Variants in SMAD3 observed in about 807,000 individuals in gnomAD.
SMAD3 encodes the protein MAD homolog 3.
Under a neutral mutation model 51.8 loss-of-function variants are expected in SMAD3, and 12 were observed. That is an observed-to-expected ratio of 0.23 (90% CI 0.15 to 0.38). The LOEUF is 0.38. SMAD3 is among the 10% of genes least tolerant of loss of function. SMAD3 has a pLI of 1.00. For missense variants in SMAD3, 294 were observed against 565.6 expected, an observed-to-expected ratio of 0.52 and a Z score of 4.87; for synonymous variants, 238 against 227.7, an observed-to-expected ratio of 1.05 and a Z score of -0.41.
chr15:67,163,162 C>T (rs1166447655), intron 1 of SMAD3, among the ~76,000 whole-genome samples: 1 of 152,020 alleles, frequency 6.6e-6, no homozygotes, highest in Non-Finnish European at 1.5e-5. Context: ...TTAGTAGAGA[C>T]AGGGTTTCAC....
chr15:67,120,124 C>T (rs780439013), intron 1 of SMAD3, among the ~76,000 whole-genome samples: 25 of 152,174 alleles, frequency 1.6e-4, no homozygotes, highest in Non-Finnish European at 1.0e-4. Flanking sequence ...AAGCCTCTTG[C>T]AACTCACTAG....
At chr15:67,112,146 T>C (rs1377052683) in intron 1 of SMAD3, among the ~76,000 whole-genome samples, 1 of 63,960 alleles carries the variant, frequency 1.6e-5, no homozygotes, top group Non-Finnish European at 3.1e-5. Context: ...TTTCTTTTTT[T>C]TTCTTTCCTT....
At chr15:67,136,661 T>C (rs1341701746) in intron 1 of SMAD3, among the ~76,000 whole-genome samples, 1 of 152,248 alleles carries the variant, frequency 6.6e-6, no homozygotes, top group Non-Finnish European at 1.5e-5. Flanking sequence ...GCAGGTGTTT[T>C]GGCTTTTGTC....
At chr15:67,154,072 G>A (rs1758461854) in intron 1 of SMAD3, among the ~76,000 whole-genome samples, 1 of 152,128 alleles carries the variant, frequency 6.6e-6, no homozygotes, top group Admixed American at 6.5e-5. Context: ...AACCTCTGTG[G>A]CTCCTGCCCA....
chr15:67,134,215 G>A (rs1961597803), intron 1 of SMAD3, among the ~76,000 whole-genome samples: 1 of 152,056 alleles, frequency 6.6e-6, no homozygotes, highest in African/African-American at 2.4e-5. Flanking sequence ...CACCAAGCCA[G>A]TCACCCACCA....
At chr15:67,129,282 C>T (rs1298506262) in intron 1 of SMAD3, among the ~76,000 whole-genome samples, 1 of 152,180 alleles carries the variant, frequency 6.6e-6, no homozygotes, top group African/African-American at 2.4e-5. Flanking sequence ...GTTTAGCCTT[C>T]TAGAGCAGTG....
intron 5 of SMAD3, among the ~76,000 whole-genome samples, chr15:67,179,793 G>A (rs1963003419): frequency 6.6e-6 from 1 of 152,080 alleles, no homozygotes; most frequent in African/African-American, 2.4e-5. Context: ...AGTGAGCAGG[G>A]TTCTCAGGCC....
intron 8 of SMAD3, 55 bp from the exon 9 acceptor site, chr15:67,190,358 A>AC (rs2140327539): frequency 1.3e-6 from 2 of 1,548,028 alleles, no homozygotes; most frequent in Non-Finnish European, 1.8e-6. Flanking sequence ...GACTTGTGTA[A>AC]CCCCCTGGAG....
rs146730959 is a variant in SMAD3, at chr15:67,067,122, G to A, written c.206+762G>A. On this transcript the variant is annotated intron_variant, in intron 1 of 8. Coordinates refer to ENST00000327367, the MANE Select transcript of SMAD3 (RefSeq NM_005902.4). Reference sequence around the variant, plus strand: ...TTGGTCCAAGAGATTTTGAAACCGTGCAGAACGAGGGAGAGGGGCAGGCTG... The same window carrying A: ...TTGGTCCAAGAGATTTTGAAACCGTACAGAACGAGGGAGAGGGGCAGGCTG... Among the ~76,000 whole-genome samples the A allele has an allele frequency of 3.3e-5, 5 of 149,408 alleles. No individual in the cohort carries two copies. The East Asian group carries it at 5.9e-4, about 18-fold the overall frequency.
At chr15:67,097,969 C>G (rs1960651539) in intron 1 of SMAD3, among the ~76,000 whole-genome samples, 1 of 152,172 alleles carries the variant, frequency 6.6e-6, no homozygotes, top group African/African-American at 2.4e-5. Flanking sequence ...GATCCTGGTC[C>G]TCTCACACTG....
rs1962602307 is a variant in SMAD3, at chr15:67,166,790, C to T, written c.544C>T (p.Pro182Ser). The T allele has an allele frequency of 6.3e-7, 1 of 1,593,862 alleles. No homozygotes were observed. The highest frequency in any genetic ancestry group is 1.1e-5 in the South Asian group (1 of 87,228). Reference sequence around the variant, plus strand: ...CTTCTGATTCCCAGAGACCCCACCCCCTGGCTACCTGAGTGAAGATGGAGA... The same window carrying T: ...CTTCTGATTCCCAGAGACCCCACCCTCTGGCTACCTGAGTGAAGATGGAGA... Reference protein sequence around the residue: ...PQSNIPETPPPGYLSEDGETS... With the variant: ...PQSNIPETPPSGYLSEDGETS... Residue 182 changes from proline to serine, a missense_variant, in exon 4 of 9, where the codon CCT becomes TCT. By Grantham distance (74) the Pro-to-Ser change is moderately conservative. Coordinates refer to ENST00000327367, the MANE Select transcript of SMAD3 (RefSeq NM_005902.4).
intron 6 of SMAD3, among the ~76,000 whole-genome samples, chr15:67,183,920 G>A (rs922225694): frequency 1.3e-5 from 2 of 151,998 alleles, no homozygotes; most frequent in African/African-American, 2.4e-5. Context: ...AGGGCTCCTT[G>A]GGGTGTCTGC....
chr15:67,104,693 T>C (rs1402356707), intron 1 of SMAD3, among the ~76,000 whole-genome samples: 1 of 152,268 alleles, frequency 6.6e-6, no homozygotes, highest in Non-Finnish European at 1.5e-5. Flanking sequence ...ATCACTATAC[T>C]CCGTGTTATC....
chr15:67,094,342 C>T (rs1261793132), intron 1 of SMAD3, among the ~76,000 whole-genome samples: 1 of 152,236 alleles, frequency 6.6e-6, no homozygotes, highest in African/African-American at 2.4e-5. Flanking sequence ...ATAGCTGATG[C>T]TCTGGGCCCC....
rs730880216 is a variant in SMAD3, at chr15:67,187,484, G to A, written c.1129G>A (p.Val377Ile). 1.1e-5 allele frequency: 18 copies of A among 1,614,058 alleles called. No individual in the cohort carries two copies. Among genetic ancestry groups the A allele is most frequent in the Admixed American group, 3.3e-5 (2 of 60,002 alleles). ...AATGTGCACCATCCGCATGAGCTTCGTCAAAGGCTGGGGAGCGGAGTACAG... is the reference window on the plus strand; with the variant it reads ...AATGTGCACCATCCGCATGAGCTTCATCAAAGGCTGGGGAGCGGAGTACAG... ...TRMCTIRMSF[V>I]KGWGAEYRRQ... Residue 377 changes from valine (V) to isoleucine (I), a missense_variant, in exon 8 of 9, where the codon GTC becomes ATC. Physicochemically the swap from Val to Ile is conservative, Grantham distance 29 (BLOSUM62 3). Around this residue, in one of 3 missense-constraint regions of SMAD3, gnomAD observed 118 missense variants for 278.0 expected, o/e 0.42. Coordinates refer to ENST00000327367, the MANE Select transcript of SMAD3 (RefSeq NM_005902.4).
rs187130181 is a variant in SMAD3 at position 67,096,798 on chromosome 15, C to G, written c.206+30438C>G. On this transcript the variant is annotated intron_variant, in intron 1 of 8. Coordinates refer to ENST00000327367, the MANE Select transcript of SMAD3 (RefSeq NM_005902.4). The stretch of plus-strand genomic sequence containing the variant: ...TAGATCCCTGGTCTGCTCACATTGT[C>G]TCCTGGGTTGCGGAGCTAAGAAGCA... 1.9e-3 allele frequency among the ~76,000 whole-genome samples: 293 copies of G among 152,296 alleles called. 1 individual carries two copies. Among genetic ancestry groups the G allele is most frequent in the Non-Finnish European group, 2.9e-3 (196 of 68,012 alleles).
At chr15:67,164,852 A>T (rs374707650) in intron 1 of SMAD3, 43 bp from the exon 2 acceptor site, 2 of 1,603,268 alleles carry the variant, frequency 1.2e-6, no homozygotes, top group East Asian at 4.5e-5. Context: ...AAGCAAGCAC[A>T]ATCCACATTT....
chr15:67,169,002 T>C (rs1320628810), intron 4 of SMAD3, among the ~76,000 whole-genome samples: 1 of 152,158 alleles, frequency 6.6e-6, no homozygotes, highest in African/African-American at 2.4e-5. Context: ...TCCTAGGTCT[T>C]TGTGGTTCAG....
intron 4 of SMAD3, among the ~76,000 whole-genome samples, chr15:67,168,913 G>A (rs958738505): frequency 2.6e-5 from 4 of 152,072 alleles, no homozygotes; most frequent in African/African-American, 7.2e-5. Context: ...AGTGTCTCGG[G>A]CCAGAGGGTC....
Sources: allele counts gnomAD v4.1 joint callset (sites outside exome capture counted in the v4.1 genomes callset), GRCh38; gene constraint gnomAD v4.1.1; regional missense constraint gnomAD v4.1.1; transcripts MANE v1.5; gene names NCBI Gene and HGNC (gene_info 2026-07-23, HGNC 2026-07-21).